Variants in MAD1L1 observed in about 807,000 individuals in gnomAD.
MAD1L1 encodes the protein mitotic spindle assembly checkpoint protein MAD1.
Under a neutral mutation model 96.9 loss-of-function variants are expected in MAD1L1, and 95 were observed. The observed-to-expected ratio is 0.98, with a 90% CI of 0.83 to 1.16. The LOEUF is 1.16. MAD1L1 is among the 50% of genes most tolerant of loss of function. The pLI is 0.00. For synonymous variants in MAD1L1, 473 were observed against 396.6 expected, an observed-to-expected ratio of 1.19 and a Z score of -2.29; for missense variants, 1,007 against 954.4, an observed-to-expected ratio of 1.06 and a Z score of -0.73.
chr7:1,873,330 T>C (rs1785205966), intron 18 of MAD1L1, among the ~76,000 whole-genome samples: 1 of 151,938 alleles, frequency 6.6e-6, no homozygotes, highest in Admixed American at 6.5e-5. Flanking sequence ...GCGCCAGCCC[T>C]AAATGGGGTT....
intron 10 of MAD1L1, among the ~76,000 whole-genome samples, chr7:2,171,987 G>A (rs931098964): frequency 2.0e-5 from 3 of 152,134 alleles, no homozygotes; most frequent in African/African-American, 4.8e-5. Context: ...AAGAGCACAC[G>A]GCAATGCAAC....
At position 2,229,445 on chromosome 7, in the gene MAD1L1, G is replaced by A. The variant is rs149120446; in HGVS notation, c.150+539C>T. ...CTACAGTGAGAAACCCCAAGAACTTGTAATGAAACAAAATACAACTATTTT... is the reference window on the plus strand; with the variant it reads ...CTACAGTGAGAAACCCCAAGAACTTATAATGAAACAAAATACAACTATTTT... On this transcript the variant is annotated intron_variant, in intron 3 of 18. Transcript: ENST00000265854. 9.3e-3 allele frequency among the ~76,000 whole-genome samples: 1,415 copies of A among 152,332 alleles called. 26 individuals are homozygous for A. Among genetic ancestry groups the A allele is most frequent in the African/African-American group, 0.033 (1,354 of 41,560 alleles).
chr7:2,074,771 C>G (rs1047277169), intron 11 of MAD1L1, among the ~76,000 whole-genome samples: 20 of 152,304 alleles, frequency 1.3e-4, no homozygotes, highest in African/African-American at 4.6e-4. Flanking sequence ...CCACAATGGG[C>G]AGAAGACAGG....
chr7:2,166,534 T>C (rs1369916625), intron 10 of MAD1L1, among the ~76,000 whole-genome samples: 1 of 152,242 alleles, frequency 6.6e-6, no homozygotes, highest in Non-Finnish European at 1.5e-5. Flanking sequence ...TCTCCCTGTT[T>C]CCTCACTCTT....
At chr7:1,993,886 GC>G (rs1395012980) in intron 14 of MAD1L1, among the ~76,000 whole-genome samples, 1 of 152,218 alleles carries the variant, frequency 6.6e-6, no homozygotes, top group Non-Finnish European at 1.5e-5. Context: ...TGAATGCCTG[GC>G]CCTGGGCTAA....
At chr7:1,821,057 A>G (rs983138817) in intron 18 of MAD1L1, among the ~76,000 whole-genome samples, 8 of 132,238 alleles carry the variant, frequency 6.0e-5, no homozygotes, top group Admixed American at 1.6e-4. Flanking sequence ...CTCCAGCCTG[A>G]GCAACACAGC....
intron 17 of MAD1L1, among the ~76,000 whole-genome samples, chr7:1,905,414 G>A (rs12540201): frequency 0.11 from 8,404 of 78,454 alleles, 1,211 homozygotes; most frequent in East Asian, 0.26. Flanking sequence ...ACGCTCTTGT[G>A]GAACTCATGA....
At chr7:2,042,151 GCA>G (rs1783708991) in intron 12 of MAD1L1, among the ~76,000 whole-genome samples, 1 of 146,920 alleles carries the variant, frequency 6.8e-6, no homozygotes, top group African/African-American at 2.7e-5. Flanking sequence ...ATGCAGACAT[GCA>G]CACACATATG....
intron 5 of MAD1L1, among the ~76,000 whole-genome samples, chr7:2,219,664 G>A (rs1211920694): frequency 4.4e-5 from 6 of 136,976 alleles, no homozygotes; most frequent in African/African-American, 1.1e-4. Context: ...GATGGCAAGG[G>A]GGCAAGGGGG....
chr7:1,820,747 A>G (rs1009124813), intron 18 of MAD1L1, among the ~76,000 whole-genome samples: 3 of 151,832 alleles, frequency 2.0e-5, no homozygotes, highest in African/African-American at 7.3e-5. Flanking sequence ...TGTCTCAAAA[A>G]TTTGTTAGAA....
intron 17 of MAD1L1, among the ~76,000 whole-genome samples, chr7:1,923,445 G>A (rs1046655469): frequency 1.3e-5 from 2 of 149,050 alleles, no homozygotes; most frequent in East Asian, 1.9e-4. Flanking sequence ...GCGCTCTTCC[G>A]CCCCGGCACC....
At chr7:1,858,166 A>T (rs1784350096) in intron 18 of MAD1L1, among the ~76,000 whole-genome samples, 1 of 152,188 alleles carries the variant, frequency 6.6e-6, no homozygotes. Context: ...TCAGGCTGAG[A>T]GCAGGGAACT....
rs141389215 is a variant in MAD1L1 at position 2,008,222 on chromosome 7, C to T, written c.1360-6101G>A. On this transcript the variant is annotated intron_variant, in intron 13 of 18. Transcript: ENST00000265854. The stretch of plus-strand genomic sequence containing the variant: ...GAGGAGCTGGCACAGCCCGTGTGTG[C>T]ACTGGAGAGCAGCTCCCGCAGGGCC... Among the ~76,000 whole-genome samples, 23 of 152,328 alleles carry T rather than the reference C, an allele frequency of 1.5e-4. No individual in the cohort carries two copies. The East Asian group carries it at 3.9e-3, about 26-fold the overall frequency.
chr7:2,223,055 A>G, intron 4 of MAD1L1, among the ~76,000 whole-genome samples: 1 of 152,188 alleles, frequency 6.6e-6, no homozygotes, highest in African/African-American at 2.4e-5. Flanking sequence ...CTGCAGGGAG[A>G]GGGGGCATGG....
At position 1,968,375 on chromosome 7, in the gene MAD1L1, A is replaced by C. The variant is rs1224567941; in HGVS notation, c.1506-10656T>G. Among the ~76,000 whole-genome samples, 3 of 143,938 alleles carry C rather than the reference A, an allele frequency of 2.1e-5. No homozygotes were observed. The highest frequency in any genetic ancestry group is 4.5e-5 in the Non-Finnish European group (3 of 66,688). 94.4% of individuals were successfully genotyped at this position (143,938 alleles called of 152,430 possible). On this transcript the variant is annotated intron_variant, in intron 15 of 18. Coordinates refer to ENST00000265854, the MANE Select transcript of MAD1L1 (RefSeq NM_001013836.2). This position sits in a 1 kb window ranked among gnomAD's most constrained non-coding sequence, Gnocchi z 5.6. ...CAGTCCAGTGGTCAGGTCCACTGTC[A>C]ATGCCTCAGTCCAGCGGTCAGGTCC...
intron 18 of MAD1L1, among the ~76,000 whole-genome samples, chr7:1,824,005 G>A (rs1782259412): frequency 6.6e-6 from 1 of 152,180 alleles, no homozygotes. Flanking sequence ...ATTTGTGGGG[G>A]GACGGAGAGC....
intron 18 of MAD1L1, among the ~76,000 whole-genome samples, chr7:1,874,800 T>G (rs1785293862): frequency 6.7e-6 from 1 of 149,872 alleles, no homozygotes; most frequent in Non-Finnish European, 1.5e-5. Context: ...AGAGGTTGGG[T>G]AGGATGGTAG....
chr7:1,924,666 G>A (rs914390726), intron 17 of MAD1L1, among the ~76,000 whole-genome samples: 5 of 152,266 alleles, frequency 3.3e-5, no homozygotes, highest in Middle Eastern at 3.4e-3. Flanking sequence ...ACCCAGGAAC[G>A]CCAGGAAAGA....
At chr7:2,151,768 A>G (rs1363828237) in intron 10 of MAD1L1, among the ~76,000 whole-genome samples, 2 of 152,208 alleles carry the variant, frequency 1.3e-5, no homozygotes, top group African/African-American at 4.8e-5. Context: ...AGTGGTTCAA[A>G]TCAACTGAAA....
Sources: gnomAD v4.1 joint callset for allele counts (sites outside exome capture counted in the v4.1 genomes callset) on GRCh38, gnomAD v4.1.1 for gene constraint, Gnocchi (gnomAD v3.1) non-coding constraint, MANE v1.5 for transcripts, NCBI Gene and HGNC (gene_info 2026-07-23, HGNC 2026-07-21) for gene names.